PCNT: variants seen among roughly 807,000 people sequenced by gnomAD.
The protein encoded by PCNT is kendrin.
A neutral mutation model predicts 380.4 loss-of-function variants in PCNT; 319 were observed. The ratio of observed to expected loss-of-function variants is 0.84; its 90% CI spans 0.77 to 0.92. PCNT has a LOEUF of 0.92. Among genes scored for constraint, PCNT ranks in the 40% least tolerant of loss-of-function variants. The pLI, the probability that PCNT is intolerant of heterozygous loss-of-function variation, is 0.00. For missense variants in PCNT, 4,400 were observed against 4,255.3 expected (o/e 1.03, Z -0.95); for synonymous variants, 1,845 against 1,735.2 (o/e 1.06, Z -1.57).
intron 13 of PCNT, among the ~76,000 whole-genome samples, chr21:46,362,482 G>A (rs1423008605): frequency 6.6e-6 from 1 of 152,154 alleles, no homozygotes; most frequent in Non-Finnish European, 1.5e-5. Flanking sequence ...TCTCTGGAGG[G>A]CTGGTCTGGC....
intron 27 of PCNT, among the ~76,000 whole-genome samples, chr21:46,407,340 C>CTTTTTTTTTTTTTTTTTTTTTTT (rs899881614): frequency 9.4e-6 from 1 of 106,434 alleles, no homozygotes; most frequent in Non-Finnish European, 1.8e-5. Context: ...TATACTTTCT[C>CTTTTTTTTTTTTTTTTTTTTTTT]TTTTTTTTTT....
At chr21:46,432,519 G>A (rs905915613) in intron 38 of PCNT, among the ~76,000 whole-genome samples, 10 of 152,242 alleles carry the variant, frequency 6.6e-5, no homozygotes, top group African/African-American at 2.2e-4. Context: ...ACCTGCCACT[G>A]GGATTTTCTT....
chr21:46,382,546 A>T (rs2085599862), intron 16 of PCNT, among the ~76,000 whole-genome samples: 1 of 140,644 alleles, frequency 7.1e-6, no homozygotes, highest in African/African-American at 2.6e-5. Flanking sequence ...TGCATAGTTC[A>T]GTGGCGGAAG....
intron 38 of PCNT, among the ~76,000 whole-genome samples, chr21:46,434,780 A>T (rs1209746025): frequency 1.3e-5 from 2 of 152,182 alleles, no homozygotes; most frequent in Non-Finnish European, 2.9e-5. Context: ...TCAGGCTCAT[A>T]CGTGTGTGCA....
intron 16 of PCNT, among the ~76,000 whole-genome samples, chr21:46,383,584 TG>T (rs1380918640): frequency 7.1e-6 from 1 of 141,564 alleles, no homozygotes; most frequent in East Asian, 2.2e-4. Flanking sequence ...CACAGTGCTG[TG>T]CATTCAGCAG....
chr21:46,393,661 C>T (rs916012123), intron 21 of PCNT, among the ~76,000 whole-genome samples: 2 of 152,216 alleles, frequency 1.3e-5, no homozygotes, highest in African/African-American at 4.8e-5. Flanking sequence ...TGTTGAACGG[C>T]CCGGTGAGGC....
intron 34 of PCNT, 84 bp from the exon 35 acceptor site, chr21:46,428,311 T>C: frequency 8.0e-7 from 1 of 1,251,422 alleles, no homozygotes; most frequent in Non-Finnish European, 1.1e-6. Context: ...CCGGCGGAGC[T>C]GGTTTTGAGG....
chr21:46,348,442 G>C (rs1196720420), intron 6 of PCNT: 1 of 177,468 alleles, frequency 5.6e-6, no homozygotes, highest in Non-Finnish European at 1.2e-5. Flanking sequence ...GTCTGTTTCA[G>C]GGTGGGTGGT....
chr21:46,389,141 A>G (rs2085945091), intron 18 of PCNT, 58 bp from the exon 19 acceptor site: 4 of 1,543,690 alleles, frequency 2.6e-6, no homozygotes, highest in Non-Finnish European at 3.6e-6. Flanking sequence ...CTTGGCTGCC[A>G]TGGCCGCGGC....
At chr21:46,377,647 T>C (rs1025602056) in intron 15 of PCNT, among the ~76,000 whole-genome samples, 6 of 152,206 alleles carry the variant, frequency 3.9e-5, no homozygotes, top group East Asian at 1.9e-4. Context: ...GGAGGATTGC[T>C]GGAGCCCAGG....
intron 2 of PCNT, among the ~76,000 whole-genome samples, chr21:46,327,201 C>T (rs980138954): frequency 3.3e-5 from 5 of 151,608 alleles, no homozygotes; most frequent in African/African-American, 9.6e-5. Flanking sequence ...GCTGGGACTA[C>T]AGGCGCCCGC....
intron 43 of PCNT, 145 bp from the exon 44 acceptor site, chr21:46,442,352 C>T: frequency 1.4e-6 from 1 of 697,316 alleles, no homozygotes; most frequent in Admixed American, 2.0e-5. Flanking sequence ...AGGCCCGAGT[C>T]AACAGACTGG....
chr21:46,428,273 C>T (rs569592571), intron 34 of PCNT, 122 bp from the exon 35 acceptor site: 140 of 877,016 alleles, frequency 1.6e-4, no homozygotes, highest in South Asian at 1.4e-3. Flanking sequence ...AGATACTGTG[C>T]ACCCATCCCA....
intron 10 of PCNT, 123 bp downstream of exon 10, chr21:46,353,449 T>C (rs543570218): frequency 4.8e-6 from 4 of 830,474 alleles, no homozygotes; most frequent in African/African-American, 1.7e-5. Context: ...TACAAACACA[T>C]TTTATGGTCC....
At chr21:46,416,928 C>G (rs2087050671) in intron 30 of PCNT, 89 bp downstream of exon 30, 2 of 1,329,568 alleles carry the variant, frequency 1.5e-6, no homozygotes, top group Non-Finnish European at 1.0e-6. Flanking sequence ...TTGTTCACCT[C>G]CTGACAGCAC....
At chr21:46,328,129 T>C (rs974700871) in intron 2 of PCNT, among the ~76,000 whole-genome samples, 1 of 152,250 alleles carries the variant, frequency 6.6e-6, no homozygotes, top group Non-Finnish European at 1.5e-5. Context: ...AAGGTCATAA[T>C]GTATGTATCC....
At chr21:46,335,433 C>T (rs1265370111) in intron 3 of PCNT, among the ~76,000 whole-genome samples, 3 of 152,194 alleles carry the variant, frequency 2.0e-5, no homozygotes, top group East Asian at 3.9e-4. Flanking sequence ...CGGTGGCTCA[C>T]GCCTGTAATC....
At chr21:46,443,719 T>G in intron 44 of PCNT, 91 bp from the exon 45 acceptor site, 2 of 1,254,832 alleles carry the variant, frequency 1.6e-6, no homozygotes, top group African/African-American at 1.5e-5. Flanking sequence ...TCTTAAAAGC[T>G]TATACGTTTA....
chr21:46,359,671 T>C (rs2084633052), intron 13 of PCNT, among the ~76,000 whole-genome samples: 1 of 142,262 alleles, frequency 7.0e-6, no homozygotes, highest in African/African-American at 2.6e-5. Context: ...GTATTTTTAA[T>C]AGAGACGGGG....
Sources: allele counts gnomAD v4.1 joint callset (sites outside exome capture counted in the v4.1 genomes callset), GRCh38; gene constraint gnomAD v4.1.1; transcripts MANE v1.5; gene names NCBI Gene and HGNC (gene_info 2026-07-23, HGNC 2026-07-21).